The following FOCAD variants were observed in gnomAD, a reference collection of about 807,000 sequenced individuals.
FOCAD encodes the protein focadhesin, also known as KIAA1797.
A neutral mutation model predicts 225.6 loss-of-function variants in FOCAD; 198 were observed. The ratio of observed to expected loss-of-function variants is 0.88; its 90% confidence interval spans 0.78 to 0.99. The LOEUF is 0.99. Among genes scored for constraint, FOCAD ranks in the 50% least tolerant of loss-of-function variants. The pLI is 0.00. For missense variants in FOCAD, 2,713 were observed against 2,123.6 expected, an observed-to-expected ratio of 1.28 and a Z score of -5.46; for synonymous variants, 897 against 755.0, an observed-to-expected ratio of 1.19 and a Z score of -3.08.
rs546858412 is a variant in FOCAD, at chr9:20,973,860, T to C, written c.4133-2560T>C. On this transcript the variant is annotated intron_variant, in intron 35 of 43. Coordinates refer to ENST00000338382, the MANE Select transcript of FOCAD (RefSeq NM_001375567.1). Reference sequence around the variant, plus strand: ...TCTCCTTTTTCCTATGCTTCTCATTTCTGCTGCTGTTTTCATGTTTGCTGA... The same window carrying C: ...TCTCCTTTTTCCTATGCTTCTCATTCCTGCTGCTGTTTTCATGTTTGCTGA... Among the ~76,000 whole-genome samples the C allele has an allele frequency of 3.6e-5, 4 of 112,022 alleles. No individual in the cohort carries two copies. The East Asian group carries it at 9.3e-4, about 26-fold the overall frequency. The allele number at this position is 112,022 out of a possible 152,430, so 73.5% of individuals were successfully genotyped here. A position where few individuals can be genotyped will look rare whatever the true frequency, so the allele number is the denominator to read the frequency against.
chr9:20,779,262 TAAG>T (rs1563980365), intron 9 of FOCAD, among the ~76,000 whole-genome samples: 1 of 152,230 alleles, frequency 6.6e-6, no homozygotes, highest in Non-Finnish European at 1.5e-5. Flanking sequence ...ATGTTCTAGT[TAAG>T]AAGAATGTGG....
chr9:20,678,167 C>T (rs1822290175), intron 2 of FOCAD, among the ~76,000 whole-genome samples: 3 of 152,136 alleles, frequency 2.0e-5, no homozygotes, highest in Non-Finnish European at 2.9e-5. Flanking sequence ...GGGAACATTA[C>T]TGAGTCACAT....
intron 18 of FOCAD, among the ~76,000 whole-genome samples, chr9:20,870,339 A>G (rs1225859776): frequency 6.6e-6 from 1 of 152,202 alleles, no homozygotes; most frequent in African/African-American, 2.4e-5. Flanking sequence ...ACATGTTCCA[A>G]ATAAAATTCT....
intron 16 of FOCAD, chr9:20,863,693 C>T (rs929550640): frequency 6.6e-6 from 1 of 152,038 alleles, no homozygotes; most frequent in East Asian, 1.9e-4. Flanking sequence ...CTTATGGCTG[C>T]AGTTCACAGG....
At chr9:20,994,032 T>C (rs1841879999) in intron 43 of FOCAD, among the ~76,000 whole-genome samples, 1 of 152,238 alleles carries the variant, frequency 6.6e-6, no homozygotes, top group Non-Finnish European at 1.5e-5. Context: ...TTTATAATCA[T>C]ATACAATTGA....
At chr9:20,731,927 A>T (rs936688595) in intron 4 of FOCAD, among the ~76,000 whole-genome samples, 3 of 152,016 alleles carry the variant, frequency 2.0e-5, no homozygotes, top group African/African-American at 7.2e-5. Flanking sequence ...AATTAAACAT[A>T]TTTATTGAGT....
intron 21 of FOCAD, among the ~76,000 whole-genome samples, chr9:20,894,259 T>G (rs1831879845): frequency 6.6e-6 from 1 of 152,158 alleles, no homozygotes; most frequent in South Asian, 2.1e-4. Flanking sequence ...AATACTACAG[T>G]TGATGTATCC....
chr9:20,929,682 T>C lies in FOCAD; in HGVS notation c.3317+86T>C, dbSNP rs1045336764. 6.8e-5 allele frequency: 72 copies of C among 1,061,194 alleles called. 1 individual carries two copies. In the African/African-American group the frequency reaches 1.0e-3, roughly 15 times the overall value. The allele number at this position is 1,061,194 out of a possible 1,614,324, so 65.7% of individuals were successfully genotyped here. ...ACCCATATGCACCTATATATAAACA[T>C]TGTATCTGAGCAATATGTGTTTGCT... On this transcript the variant is annotated intron_variant, in intron 27 of 43. Transcript: ENST00000338382.
At chr9:20,976,839 G>T (rs1318529399) in intron 36 of FOCAD, among the ~76,000 whole-genome samples, 1 of 152,164 alleles carries the variant, frequency 6.6e-6, no homozygotes, top group Non-Finnish European at 1.5e-5. Flanking sequence ...TGCCTTTGTG[G>T]TTATCAAACT....
intron 2 of FOCAD, among the ~76,000 whole-genome samples, chr9:20,662,199 C>CAT (rs529967128): frequency 1.4e-5 from 2 of 147,324 alleles, no homozygotes; most frequent in African/African-American, 2.5e-5. Context: ...TGTGTGTGTG[C>CAT]ATATATGTGT....
intron 26 of FOCAD, among the ~76,000 whole-genome samples, chr9:20,927,373 T>A (rs1340293291): frequency 6.6e-6 from 1 of 152,178 alleles, no homozygotes; most frequent in Non-Finnish European, 1.5e-5. Flanking sequence ...GACACTTACT[T>A]CATCATTCTT....
At chr9:20,988,505 GTTTTGCCATTA>G in intron 41 of FOCAD, 76 bp downstream of exon 41, 3 of 375,154 alleles carry the variant, frequency 8.0e-6, no homozygotes, top group Non-Finnish European at 1.4e-5. Context: ...AGTAATTGCG[GTTTTGCCATTA>G]ATTGGCAAAA....
chr9:20,747,811 G>C (rs1587002536), intron 5 of FOCAD, among the ~76,000 whole-genome samples: 1 of 130,698 alleles, frequency 7.7e-6, no homozygotes, highest in African/African-American at 2.7e-5. Context: ...AAGACCATTT[G>C]CATTTTTAGT....
At chr9:20,877,513 T>C (rs1554713750) in intron 19 of FOCAD, among the ~76,000 whole-genome samples, 1 of 152,142 alleles carries the variant, frequency 6.6e-6, no homozygotes, top group Non-Finnish European at 1.5e-5. Context: ...ACAGGTATAC[T>C]AACAACAGCC....
At chr9:20,799,284 G>T (rs1821507830) in intron 11 of FOCAD, among the ~76,000 whole-genome samples, 1 of 152,150 alleles carries the variant, frequency 6.6e-6, no homozygotes, top group African/African-American at 2.4e-5. Flanking sequence ...GTCAATTTTG[G>T]AATAGGTGTG....
intron 4 of FOCAD, among the ~76,000 whole-genome samples, chr9:20,722,201 C>G (rs933670448): frequency 3.5e-4 from 53 of 151,630 alleles, no homozygotes; most frequent in African/African-American, 1.2e-3. Flanking sequence ...TGCCAGCATG[C>G]CTGGCTTGGT....
At chr9:20,914,856 T>C (rs2132073007) in intron 23 of FOCAD, among the ~76,000 whole-genome samples, 1 of 152,338 alleles carries the variant, frequency 6.6e-6, no homozygotes, top group East Asian at 1.9e-4. Flanking sequence ...TCCGTTGCAA[T>C]AATTTAGGCA....
chr9:20,953,066 G>A lies in FOCAD; in HGVS notation c.4132+1G>A, dbSNP rs1295668987. On this transcript the variant is annotated splice_donor_variant, in intron 35 of 43. Coordinates refer to ENST00000338382, the MANE Select transcript of FOCAD (RefSeq NM_001375567.1). LOFTEE classifies it high-confidence loss of function. Reference sequence around the variant, plus strand: ...TTCTTCATTACAGGAGGAAAAAAAGGCAAGTGAGCACATTTCTTGAATTTT... The same window carrying A: ...TTCTTCATTACAGGAGGAAAAAAAGACAAGTGAGCACATTTCTTGAATTTT... The A allele has an allele frequency of 6.8e-6, 11 of 1,610,584 alleles. No individual in the cohort carries two copies. The highest frequency in any genetic ancestry group is 9.3e-6 in the Non-Finnish European group (11 of 1,177,888).
At position 20,866,917 on chromosome 9, in the gene FOCAD, T is replaced by TTTTTTTTTTTTTTTTTTTTAAA; in HGVS notation, c.2107-12_2107-11insTTTTTTTTTTTTTTTTTTTAAA. 2.6e-6 allele frequency: 2 copies of TTTTTTTTTTTTTTTTTTTTAAA among 764,972 alleles called. No individual in the cohort carries two copies. Among genetic ancestry groups the TTTTTTTTTTTTTTTTTTTTAAA allele is most frequent in the Non-Finnish European group, 4.0e-6 (2 of 498,468 alleles). The allele number at this position is 764,972 out of a possible 1,614,324, so 47.4% of individuals were successfully genotyped here. A position where few individuals can be genotyped will look rare whatever the true frequency, so the allele number is the denominator to read the frequency against. On this transcript the variant is annotated splice_polypyrimidine_tract_variant and intron_variant, in intron 17 of 43. Coordinates refer to ENST00000338382, the MANE Select transcript of FOCAD (RefSeq NM_001375567.1). ...TTTTTTTTTTTTTTTTTTTTTTTTT[T>TTTTTTTTTTTTTTTTTTTTAAA]ACCCTATCTAGGACCCAATTGTAGC...
Sources: gnomAD v4.1 joint callset for allele counts (sites outside exome capture counted in the v4.1 genomes callset) on GRCh38, gnomAD v4.1.1 for gene constraint, MANE v1.5 for transcripts, NCBI Gene and HGNC (gene_info 2026-07-23, HGNC 2026-07-21) for gene names.